The following MED13 variants were observed in gnomAD, a reference collection of about 807,000 sequenced individuals.
MED13 encodes mediator complex subunit 13, also known as mediator of RNA polymerase II transcription subunit 13.
MED13 carries 23 observed loss-of-function variants against 225.2 expected under a neutral mutation model. The ratio of observed to expected loss-of-function variants is 0.10; its 90% confidence interval spans 0.07 to 0.14. The LOEUF (loss-of-function observed/expected upper bound fraction) is 0.14, where lower values mean the gene tolerates loss of function less well. Ranked by LOEUF, MED13 falls within the 10% of genes least tolerant of loss-of-function variation. MED13 has a pLI of 1.00. For missense variants in MED13, 2,197 were observed against 2,594.5 expected, an observed-to-expected ratio of 0.85 and a Z score of 3.33; for synonymous variants, 942 against 889.2, an observed-to-expected ratio of 1.06 and a Z score of -1.06.
intron 2 of MED13, among the ~76,000 whole-genome samples, chr17:62,053,314 A>T (rs1191659752): frequency 6.6e-6 from 1 of 152,202 alleles, no homozygotes; most frequent in African/African-American, 2.4e-5. Context: ...AGGACCCTTT[A>T]CTTGGGGGAG....
chr17:62,037,540 G>A (rs1014849610), intron 3 of MED13, among the ~76,000 whole-genome samples: 1 of 150,800 alleles, frequency 6.6e-6, no homozygotes, highest in Non-Finnish European at 1.5e-5. Context: ...AGTGGTATGC[G>A]CCTGTAATCC....
chr17:61,975,567 A>C (rs1006588789), intron 16 of MED13, among the ~76,000 whole-genome samples: 3 of 152,236 alleles, frequency 2.0e-5, no homozygotes, highest in African/African-American at 7.2e-5. Context: ...TCAAAAGATT[A>C]AACCAGTCAG....
chr17:61,991,090 G>A (rs571982676), intron 11 of MED13, among the ~76,000 whole-genome samples: 5 of 152,128 alleles, frequency 3.3e-5, no homozygotes, highest in African/African-American at 1.2e-4. Context: ...TCATAGTTGA[G>A]CTTATTCTAA....
intron 18 of MED13, 56 bp from the exon 19 acceptor site, chr17:61,966,707 C>A: frequency 8.0e-7 from 1 of 1,251,166 alleles, no homozygotes; most frequent in Non-Finnish European, 1.1e-6. Flanking sequence ...TATTTAGATA[C>A]ACATTATAAA....
At chr17:61,946,873 T>C (rs1362021255) in intron 29 of MED13, 44 bp downstream of exon 29, 2 of 1,501,242 alleles carry the variant, frequency 1.3e-6, no homozygotes, top group Admixed American at 3.4e-5. Context: ...ATTATATTCT[T>C]TTAAAGTTGC....
At chr17:61,984,589 A>G (rs1460804221) in intron 14 of MED13, 62 bp downstream of exon 14, 2 of 1,415,720 alleles carry the variant, frequency 1.4e-6, no homozygotes, top group Non-Finnish European at 1.9e-6. Flanking sequence ...GACTATAGCA[A>G]CAAATTAATT....
chr17:61,959,033 C>T lies in MED13; in HGVS notation c.5480+1834G>A, dbSNP rs530870582. ...TTTTTTTTTCTTTAAGACAGACTTT[C>T]GCTCTTGATGCCCAGGCTAGAGTGC... is the stretch of plus-strand genomic sequence containing the variant. On this transcript the variant is annotated intron_variant, in intron 23 of 29. Coordinates refer to ENST00000397786, the MANE Select transcript of MED13 (RefSeq NM_005121.3). 4.4e-3 allele frequency among the ~76,000 whole-genome samples: 664 copies of T among 151,430 alleles called. 6 individuals are homozygous for T. The highest frequency in any genetic ancestry group is 0.015 in the African/African-American group (630 of 41,266).
chr17:61,994,504 G>T (rs1393044408), intron 10 of MED13, among the ~76,000 whole-genome samples: 1 of 151,942 alleles, frequency 6.6e-6, no homozygotes, highest in South Asian at 2.1e-4. Context: ...ATATTTTATT[G>T]TATCTTTGAA....
intron 29 of MED13, 34 bp from the exon 30 acceptor site, chr17:61,946,634 T>C (rs1302408710): frequency 8.1e-6 from 13 of 1,600,326 alleles, no homozygotes; most frequent in Non-Finnish European, 1.1e-5. Flanking sequence ...AGTCATTTAT[T>C]TATTTCCAAC....
Position 61,961,742 on chromosome 17 carries a change from T to C in MED13, c.5102A>G (p.His1701Arg), listed in dbSNP as rs780063128. 1 of 1,614,092 alleles carries C rather than the reference T, an allele frequency of 6.2e-7. No homozygotes were observed. The highest frequency in any genetic ancestry group is 1.1e-5 in the South Asian group (1 of 91,080). The change falls in exon 22 of 30, where the codon CAT (histidine) becomes CGT (arginine). Residue 1701 changes from histidine to arginine, a missense_variant. By Grantham distance (29) the His-to-Arg change is conservative. Around this residue, in one of 12 missense-constraint regions of MED13, gnomAD observed 457 missense variants for 442.2 expected, o/e 1.03. Coordinates refer to ENST00000397786, the MANE Select transcript of MED13 (RefSeq NM_005121.3). ...CTGGGGATAGATTTCTCTATCTTCATGCTTCACAGGTTGCAACAGGTACTG... is the reference window on the plus strand; with the variant it reads ...CTGGGGATAGATTTCTCTATCTTCACGCTTCACAGGTTGCAACAGGTACTG... ...PCQYLLQPVK[H>R]EDREIYPQHL... is the part of the protein sequence containing the mutation.
At position 61,943,289 on chromosome 17, in the gene MED13, T is replaced by G. The variant is rs993838423; in HGVS notation, c.*3179A>C. ...GATATGCAATGCCATAGTGGATGAATAGCAAATTATATGATGCAATAGCAT... is the reference window on the plus strand; with the variant it reads ...GATATGCAATGCCATAGTGGATGAAGAGCAAATTATATGATGCAATAGCAT... On this transcript the variant is annotated 3_prime_UTR_variant, in exon 30 of 30. Transcript: ENST00000397786. 1 of 152,722 alleles carries G rather than the reference T, an allele frequency of 6.5e-6. No individual in the cohort carries two copies. The highest frequency in any genetic ancestry group is 6.5e-5 in the Admixed American group (1 of 15,294). The allele number at this position is 152,722 out of a possible 1,614,324, so 9.5% of individuals were successfully genotyped here.
At chr17:61,950,683 T>C in intron 28 of MED13, 142 bp downstream of exon 28, 1 of 791,710 alleles carries the variant, frequency 1.3e-6, no homozygotes, top group Non-Finnish European at 1.9e-6. Flanking sequence ...CGTGCCTTCG[T>C]GATCTTGTTT....
intron 21 of MED13, 61 bp from the exon 22 acceptor site, chr17:61,961,840 TG>T: frequency 6.7e-7 from 1 of 1,487,608 alleles, no homozygotes; most frequent in Non-Finnish European, 9.2e-7. Flanking sequence ...ACAGGAACTG[TG>T]GGTCTAAAAC....
rs1568000986 is a variant in MED13 at position 62,048,049 on chromosome 17, T to TATAC, written c.470+4487_470+4488insGTAT. Among the ~76,000 whole-genome samples, 97 of 112,748 alleles carry TATAC rather than the reference T, an allele frequency of 8.6e-4. 1 individual carries two copies. Among genetic ancestry groups the TATAC allele is most frequent in the East Asian group, 8.0e-3 (33 of 4,120 alleles). 74.0% of individuals were successfully genotyped at this position (112,748 alleles called of 152,430 possible). ...ACATATACATATACATATACATATATATATATATATATATGTATATATGTA... is the reference window on the plus strand; with the variant it reads ...ACATATACATATACATATACATATATATACATATATATATATATGTATATATGTA... On this transcript the variant is annotated intron_variant, in intron 3 of 29. Coordinates refer to ENST00000397786, the MANE Select transcript of MED13 (RefSeq NM_005121.3).
chr17:61,951,158 G>C (rs914798923), intron 27 of MED13, among the ~76,000 whole-genome samples, 160 bp from the exon 28 acceptor site: 7 of 152,064 alleles, frequency 4.6e-5, no homozygotes, highest in African/African-American at 1.7e-4. Context: ...TATGTACTTA[G>C]GAGTATTATA....
chr17:62,045,445 C>T lies in MED13; in HGVS notation c.470+7092G>A, dbSNP rs146735397. 5.7e-3 allele frequency among the ~76,000 whole-genome samples: 869 copies of T among 152,136 alleles called. 7 individuals are homozygous for T. The highest frequency in any genetic ancestry group is 0.02 in the African/African-American group (827 of 41,488). On this transcript the variant is annotated intron_variant, in intron 3 of 29. Coordinates refer to ENST00000397786, the MANE Select transcript of MED13 (RefSeq NM_005121.3). ...GGCTGAGGTGGGAGAACCAATTAGG[C>T]CCAGAAGTTTGTGGCTGCAATGAGT...
intron 8 of MED13, among the ~76,000 whole-genome samples, chr17:62,016,744 C>A (rs1369958147): frequency 6.6e-6 from 1 of 152,206 alleles, no homozygotes; most frequent in Non-Finnish European, 1.5e-5. Flanking sequence ...CATGGTGGCT[C>A]ATGCCTGTAA....
chr17:62,025,647 G>A (rs1473368378), intron 8 of MED13, among the ~76,000 whole-genome samples: 3 of 152,120 alleles, frequency 2.0e-5, no homozygotes, highest in South Asian at 4.1e-4. Flanking sequence ...TCCTGTCTGC[G>A]AGATATCGTC....
intron 3 of MED13, among the ~76,000 whole-genome samples, chr17:62,042,662 G>A (rs2080863621): frequency 6.7e-6 from 1 of 148,310 alleles, no homozygotes; most frequent in South Asian, 2.1e-4. Context: ...GCTTTTTATT[G>A]TTGTTTTTAA....
Sources: allele counts gnomAD v4.1 joint callset (sites outside exome capture counted in the v4.1 genomes callset), GRCh38; gene constraint gnomAD v4.1.1; regional missense constraint gnomAD v4.1.1; transcripts MANE v1.5; gene names NCBI Gene and HGNC (gene_info 2026-07-23, HGNC 2026-07-21).